Variants in KY observed in about 807,000 individuals in gnomAD.
The protein encoded by KY is kyphoscoliosis peptidase.
A neutral mutation model predicts 76.1 loss-of-function variants in KY; 43 were observed. The observed-to-expected ratio is 0.57, with a 90% CI of 0.44 to 0.73. The LOEUF is 0.73. Ranked by LOEUF, KY falls within the 30% of genes least tolerant of loss-of-function variation. The pLI, the probability that KY is intolerant of heterozygous loss-of-function variation, is 0.00. For missense variants in KY, 722 were observed against 828.9 expected, an observed-to-expected ratio of 0.87 and a Z score of 1.58; for synonymous variants, 277 against 326.2, an observed-to-expected ratio of 0.85 and a Z score of 1.63.
chr3:134,610,460 C>T, intron 8 of KY, 77 bp from the exon 9 acceptor site: 1 of 1,322,034 alleles, frequency 7.6e-7, no homozygotes, highest in Non-Finnish European at 1.1e-6. Context: ...TCTCAGGTTT[C>T]AGGCATGTTT....
chr3:134,607,060 A>T (rs1365646896), intron 10 of KY: 1 of 985,190 alleles, frequency 1.0e-6, no homozygotes, highest in African/African-American at 1.7e-5. Context: ...TCTGGTGTTT[A>T]TATTTTTATG....
intron 3 of KY, chr3:134,641,416 G>C (rs374292927): frequency 9.9e-5 from 15 of 152,190 alleles, no homozygotes; most frequent in Non-Finnish European, 2.1e-4. Context: ...GGAGCACAGG[G>C]AGAGTCAGCT....
intron 3 of KY, among the ~76,000 whole-genome samples, chr3:134,630,134 G>C (rs1403161678): frequency 6.6e-6 from 1 of 152,242 alleles, no homozygotes; most frequent in Non-Finnish European, 1.5e-5. Flanking sequence ...TGCAGAAAAA[G>C]AGCACACAAG....
rs768924250 is a variant in KY at position 134,604,154 on chromosome 3, G to A, written c.1411C>T (p.Pro471Ser). 5.6e-6 allele frequency: 9 copies of A among 1,608,458 alleles called. No individual in the cohort carries two copies. Among genetic ancestry groups the A allele is most frequent in the South Asian group, 3.3e-5 (3 of 90,200 alleles). The change falls in exon 11 of 11, where the codon CCT becomes TCT. Residue 471 changes from proline (P) to serine (S), a missense_variant. Coordinates refer to ENST00000423778, the MANE Select transcript of KY (RefSeq NM_178554.6). ...CGCCCGTCGCTGGTGTGGATGATAG[G>A]GTCAGGGTGGGAGGGCTTCATGATG... ...MGIMKPSHPDPIIHTSDGRCS... is the reference protein window; with the variant it reads ...MGIMKPSHPDSIIHTSDGRCS...
chr3:134,606,987 T>C, intron 10 of KY: 6 of 985,280 alleles, frequency 6.1e-6, no homozygotes, highest in Non-Finnish European at 7.2e-6. Context: ...AAAGAAATAC[T>C]CTGTACATAA....
intron 3 of KY, among the ~76,000 whole-genome samples, chr3:134,630,310 G>A (rs540662454): frequency 2.6e-5 from 4 of 152,214 alleles, no homozygotes; most frequent in Non-Finnish European, 5.9e-5. Context: ...GATGTTGGTG[G>A]CCATGCAGCC....
chr3:134,619,334 C>T, intron 7 of KY, 69 bp from the exon 8 acceptor site: 2 of 1,181,450 alleles, frequency 1.7e-6, no homozygotes, highest in East Asian at 2.3e-5. Flanking sequence ...CCCCAACCCC[C>T]AGCTGTGCTC....
chr3:134,625,181 AG>A (rs1389427706), intron 5 of KY, 46 bp from the exon 6 acceptor site: 2 of 1,489,350 alleles, frequency 1.3e-6, no homozygotes, highest in Non-Finnish European at 1.8e-6. Flanking sequence ...CCCACTGAAG[AG>A]GGCTGCCTGG....
At chr3:134,635,517 A>G (rs1385863712) in intron 3 of KY, among the ~76,000 whole-genome samples, 3 of 142,130 alleles carry the variant, frequency 2.1e-5, no homozygotes, top group South Asian at 2.2e-4. Context: ...AAAAAAAAGT[A>G]CTTCTCAACA....
intron 10 of KY, among the ~76,000 whole-genome samples, chr3:134,604,856 C>G (rs946897438): frequency 1.3e-5 from 2 of 152,192 alleles, no homozygotes; most frequent in Non-Finnish European, 2.9e-5. Context: ...ACCATCTCCC[C>G]CAAGTCTCAG....
At chr3:134,642,523 A>G (rs1484188857) in intron 3 of KY, among the ~76,000 whole-genome samples, 1 of 110,582 alleles carries the variant, frequency 9.0e-6, no homozygotes, top group African/African-American at 2.8e-5. Context: ...GTGTGCTCAG[A>G]TCCAGTCAAC....
At chr3:134,646,766 G>C (rs1050592855) in intron 2 of KY, among the ~76,000 whole-genome samples, 2 of 152,142 alleles carry the variant, frequency 1.3e-5, no homozygotes, top group Non-Finnish European at 2.9e-5. Flanking sequence ...CTCTACTGGG[G>C]CTCTGGGAGT....
intron 3 of KY, among the ~76,000 whole-genome samples, chr3:134,641,683 T>C (rs553302753): frequency 6.3e-4 from 96 of 152,272 alleles, no homozygotes; most frequent in African/African-American, 2.1e-3. Context: ...AAATTTCCTG[T>C]AGCTGCTATA....
chr3:134,638,342 G>C (rs1965265053), intron 3 of KY, among the ~76,000 whole-genome samples: 1 of 152,174 alleles, frequency 6.6e-6, no homozygotes, highest in African/African-American at 2.4e-5. Flanking sequence ...ACAGAGAGTA[G>C]ATCATTTGGA....
chr3:134,640,911 T>C (rs1374305657), intron 3 of KY, among the ~76,000 whole-genome samples: 1 of 152,194 alleles, frequency 6.6e-6, no homozygotes, highest in Non-Finnish European at 1.5e-5. Context: ...GCATTGGATG[T>C]CTACAACCAT....
Position 134,650,866 on chromosome 3 carries a change from T to G in KY, c.95A>C (p.Asp32Ala), listed in dbSNP as rs754372668. 6.2e-7 allele frequency: 1 copy of G among 1,611,752 alleles called. No homozygotes were observed. Among genetic ancestry groups the G allele is most frequent in the Non-Finnish European group, 8.5e-7 (1 of 1,178,962 alleles). ...CAGCGAGCTCGGGTTCGCCTGCTGG[T>G]CTGAGAGCGTACCCTGTGCGGCGCG... ...KRRAAQGTLSDQQANPSSLLQ... is the reference protein window; with the variant it reads ...KRRAAQGTLSAQQANPSSLLQ... Residue 32 changes from aspartate to alanine, a missense_variant, in exon 1 of 11, where the codon GAC becomes GCC. Asp to Ala is a moderately radical substitution (Grantham distance 126). This residue lies in a region of KY where 170 missense variants were observed against 148.1 expected (regional missense o/e 1.15). Coordinates refer to ENST00000423778, the MANE Select transcript of KY (RefSeq NM_178554.6).
chr3:134,607,733 C>A, intron 10 of KY: 1 of 985,786 alleles, frequency 1.0e-6, no homozygotes, highest in African/African-American at 1.7e-5. Context: ...GCCATGGCTC[C>A]GTGGTGAAGG....
intron 8 of KY, among the ~76,000 whole-genome samples, chr3:134,618,846 C>T (rs1331103088): frequency 6.6e-6 from 1 of 152,222 alleles, no homozygotes; most frequent in Admixed American, 6.5e-5. Context: ...GCCTGCCATT[C>T]TTTTAACCTT....
At chr3:134,612,678 G>C (rs1390757349) in intron 8 of KY, among the ~76,000 whole-genome samples, 1 of 151,796 alleles carries the variant, frequency 6.6e-6, no homozygotes, top group African/African-American at 2.4e-5. Flanking sequence ...AGTGAGCTAA[G>C]CAGTGCCCCT....
Sources: gnomAD v4.1 joint callset for allele counts (sites outside exome capture counted in the v4.1 genomes callset) on GRCh38, gnomAD v4.1.1 for gene constraint, gnomAD v4.1.1 regional missense constraint, MANE v1.5 for transcripts, NCBI Gene and HGNC (gene_info 2026-07-23, HGNC 2026-07-21) for gene names.